The following IQSEC1 variants were observed in gnomAD, a reference collection of about 807,000 sequenced individuals.
IQSEC1 encodes IQ motif and SEC7 domain-containing protein 1.
Under a neutral mutation model 91.0 loss-of-function variants are expected in IQSEC1, and 31 were observed. That is an observed-to-expected ratio of 0.34 (90% confidence interval 0.26 to 0.46). The LOEUF (loss-of-function observed/expected upper bound fraction) is 0.46. IQSEC1 is among the 20% of genes least tolerant of loss of function. The probability of loss-of-function intolerance (pLI) is 1.00; values close to 1 mark genes in which losing one functional copy is unlikely to be tolerated. For synonymous variants in IQSEC1, 699 were observed against 662.6 expected, an observed-to-expected ratio of 1.05 and a Z score of -0.84; for missense variants, 1,388 against 1,575.6, an observed-to-expected ratio of 0.88 and a Z score of 2.02.
intron 1 of IQSEC1, among the ~76,000 whole-genome samples, chr3:13,179,320 A>G (rs1410964788): frequency 6.6e-6 from 1 of 152,238 alleles, no homozygotes; most frequent in Non-Finnish European, 1.5e-5. Context: ...ACCAAACAAA[A>G]CATTCAAGGC....
At chr3:13,200,974 G>A (rs1308513989) in intron 1 of IQSEC1, among the ~76,000 whole-genome samples, 6 of 152,134 alleles carry the variant, frequency 3.9e-5, no homozygotes, top group African/African-American at 9.7e-5. Flanking sequence ...TGGGGAAATC[G>A]AGCCAAGACC....
chr3:12,947,954 A>G (rs1699292192), intron 1 of IQSEC1, among the ~76,000 whole-genome samples: 1 of 152,256 alleles, frequency 6.6e-6, no homozygotes, highest in African/African-American at 2.4e-5. Flanking sequence ...GACACCTCGC[A>G]GGAATAGAGA....
At chr3:13,212,967 T>C (rs1001753031) in intron 1 of IQSEC1, among the ~76,000 whole-genome samples, 21 of 152,260 alleles carry the variant, frequency 1.4e-4, no homozygotes, top group Non-Finnish European at 2.9e-5. Flanking sequence ...TTATCAAATA[T>C]ATGATTTGCA....
intron 1 of IQSEC1, among the ~76,000 whole-genome samples, chr3:13,000,774 A>C (rs1156765954): frequency 6.6e-6 from 1 of 152,216 alleles, no homozygotes; most frequent in Non-Finnish European, 1.5e-5. Flanking sequence ...CCAGGCTTGC[A>C]ATAAACACAA....
At chr3:13,230,014 T>C (rs1409567392) in intron 1 of IQSEC1, among the ~76,000 whole-genome samples, 1 of 152,218 alleles carries the variant, frequency 6.6e-6, no homozygotes, top group Non-Finnish European at 1.5e-5. Context: ...GACTTCAAGA[T>C]GTTCATGGAA....
intron 7 of IQSEC1, 125 bp downstream of exon 7, chr3:12,915,469 G>A: frequency 9.6e-7 from 1 of 1,042,804 alleles, no homozygotes; most frequent in Non-Finnish European, 1.4e-6. Flanking sequence ...CCAAGCCCTG[G>A]CAGAATTCAC....
At chr3:13,150,444 T>C (rs1176539494) in intron 2 of IQSEC1, among the ~76,000 whole-genome samples, 3 of 152,240 alleles carry the variant, frequency 2.0e-5, no homozygotes, top group Non-Finnish European at 2.9e-5. Context: ...CAAACCCATC[T>C]TTCTAGCAAT....
intron 1 of IQSEC1, among the ~76,000 whole-genome samples, chr3:13,059,751 T>C (rs146692605): frequency 6.6e-6 from 1 of 151,906 alleles, no homozygotes; most frequent in Non-Finnish European, 1.5e-5. Flanking sequence ...ACCCTATCTC[T>C]AAAAAATGAA....
chr3:13,004,647 A>G (rs570738067), intron 1 of IQSEC1, among the ~76,000 whole-genome samples: 27 of 152,284 alleles, frequency 1.8e-4, no homozygotes, highest in Admixed American at 1.2e-3. Flanking sequence ...CAGGGCATCT[A>G]TGCAGGGCCA....
At chr3:13,010,254 C>T (rs780872982) in intron 1 of IQSEC1, among the ~76,000 whole-genome samples, 3 of 152,230 alleles carry the variant, frequency 2.0e-5, no homozygotes, top group Non-Finnish European at 2.9e-5. Flanking sequence ...CCTCCATTCT[C>T]ACTTCCGGTA....
At chr3:13,084,283 A>C (rs1040993305) in intron 2 of IQSEC1, among the ~76,000 whole-genome samples, 2 of 151,942 alleles carry the variant, frequency 1.3e-5, no homozygotes, top group Admixed American at 1.3e-4. Flanking sequence ...GCATCACTAC[A>C]TAGGTGGTGT....
chr3:12,967,301 G>T lies in IQSEC1; in HGVS notation c.24-25436C>A. On this transcript the variant is annotated intron_variant, in intron 1 of 13. Transcript: ENST00000613206. This position sits in a 1 kb window ranked among gnomAD's most constrained non-coding sequence, Gnocchi z 5.9. The stretch of plus-strand genomic sequence containing the variant: ...GGGCGCCCGGTCCCGACGGTCACCC[G>T]CACTCCCGCACAGGCATCCCCACAG... 2.5e-6 allele frequency: 3 copies of T among 1,202,786 alleles called. No homozygotes were observed. Among genetic ancestry groups the T allele is most frequent in the Non-Finnish European group, 1.1e-6 (1 of 874,344 alleles). 74.5% of individuals were successfully genotyped at this position (1,202,786 alleles called of 1,614,324 possible). A position where few individuals can be genotyped will look rare whatever the true frequency, so the allele number is the denominator to read the frequency against.
chr3:12,984,387 C>G (rs145259252), intron 1 of IQSEC1, among the ~76,000 whole-genome samples: 1,745 of 152,306 alleles, frequency 0.011, 30 homozygotes, highest in African/African-American at 0.04. Flanking sequence ...GATACAGCCC[C>G]ACAGGCCCAG....
intron 1 of IQSEC1, among the ~76,000 whole-genome samples, chr3:13,234,945 T>G (rs1225863228): frequency 6.6e-6 from 1 of 151,988 alleles, no homozygotes; most frequent in Non-Finnish European, 1.5e-5. Flanking sequence ...AGCCACGAGG[T>G]GTGGGTGATT....
At chr3:13,089,528 T>A (rs1705801274) in intron 2 of IQSEC1, among the ~76,000 whole-genome samples, 1 of 152,172 alleles carries the variant, frequency 6.6e-6, no homozygotes, top group Non-Finnish European at 1.5e-5. Flanking sequence ...AAGGCTTCAG[T>A]GAGCTGTGTT....
intron 3 of IQSEC1, among the ~76,000 whole-genome samples, chr3:12,927,531 G>A (rs1215534330): frequency 1.3e-5 from 2 of 152,114 alleles, no homozygotes; most frequent in Admixed American, 6.5e-5. Flanking sequence ...GCCGGGTCCC[G>A]CCTTCTGCCG....
At chr3:13,152,047 T>C (rs358347) in intron 2 of IQSEC1, among the ~76,000 whole-genome samples, 134,206 of 152,280 alleles carry the variant, frequency 0.88, 59,245 homozygotes, top group East Asian at 0.96. Flanking sequence ...TCCCCACAGA[T>C]ACTGCATCAG....
At chr3:13,266,411 A>C (rs556308926) in intron 1 of IQSEC1, among the ~76,000 whole-genome samples, 1 of 152,268 alleles carries the variant, frequency 6.6e-6, no homozygotes, top group East Asian at 1.9e-4. Context: ...AGCCTCTTAC[A>C]GGCTAAAAGT....
At chr3:12,948,080 C>T (rs1559661010) in intron 1 of IQSEC1, among the ~76,000 whole-genome samples, 1 of 152,232 alleles carries the variant, frequency 6.6e-6, no homozygotes, top group African/African-American at 2.4e-5. Flanking sequence ...AGCTGTGTGA[C>T]CACAGGAGGA....
Sources: gnomAD v4.1 joint callset for allele counts (sites outside exome capture counted in the v4.1 genomes callset) on GRCh38, gnomAD v4.1.1 for gene constraint, Gnocchi (gnomAD v3.1) non-coding constraint, MANE v1.5 for transcripts, NCBI Gene and HGNC (gene_info 2026-07-23, HGNC 2026-07-21) for gene names.